Variants in PPFIA1 observed in about 807,000 individuals in gnomAD.
PPFIA1 encodes liprin-alpha-1.
Under a neutral mutation model 149.9 loss-of-function variants are expected in PPFIA1, and 25 were observed. The observed-to-expected ratio is 0.17, with a 90% CI of 0.12 to 0.23. PPFIA1 has a LOEUF of 0.23. Ranked by LOEUF, PPFIA1 falls within the 10% of genes least tolerant of loss-of-function variation. The pLI, the probability that PPFIA1 is intolerant of heterozygous loss-of-function variation, is 1.00. For synonymous variants in PPFIA1, 549 were observed against 552.8 expected, an observed-to-expected ratio of 0.99 and a Z score of 0.10; for missense variants, 1,362 against 1,506.5, an observed-to-expected ratio of 0.90 and a Z score of 1.59.
intron 16 of PPFIA1, among the ~76,000 whole-genome samples, chr11:70,353,873 A>G (rs992083360): frequency 3.3e-5 from 5 of 152,206 alleles, no homozygotes; most frequent in African/African-American, 4.8e-5. Flanking sequence ...TTTGAAGGAC[A>G]TCAGGAGATA....
chr11:70,278,293 C>T (rs528867689), intron 2 of PPFIA1, among the ~76,000 whole-genome samples: 1 of 151,916 alleles, frequency 6.6e-6, no homozygotes, highest in African/African-American at 2.4e-5. Flanking sequence ...GCCTCAGCCT[C>T]CCAAACTGCT....
In PPFIA1 at chr11:70,348,370, A is replaced by T. The variant is rs772327938; in HGVS notation, c.2113A>T (p.Ile705Phe). The T allele has an allele frequency of 2.5e-6, 4 of 1,613,934 alleles. No individual in the cohort carries two copies. Among genetic ancestry groups the T allele is most frequent in the African/African-American group, 1.3e-5 (1 of 74,906 alleles). Residue 705 changes from isoleucine to phenylalanine, a missense_variant, in exon 16 of 28, where the codon ATC becomes TTC. Ile to Phe is a conservative substitution (Grantham distance 21). This residue lies in a region of PPFIA1 where 733 missense variants were observed against 744.1 expected (regional missense o/e 0.99). Coordinates refer to ENST00000253925, the MANE Select transcript of PPFIA1 (RefSeq NM_003626.5). ...PGSGRSTPRR[I>F]PHSPAREVDR... Reference sequence around the variant, plus strand: ...CAGTGGGCGCTCCACCCCACGAAGGATCCCTCACAGCCCAGCTCGGGAAGT... The same window carrying T: ...CAGTGGGCGCTCCACCCCACGAAGGTTCCCTCACAGCCCAGCTCGGGAAGT...
chr11:70,332,993 A>G (rs12294494), intron 9 of PPFIA1: 14,128 of 454,128 alleles, frequency 0.031, 1,775 homozygotes, highest in African/African-American at 0.26. Context: ...CTCCCCTGTT[A>G]TCTTTCCTGT....
At chr11:70,272,526 A>G (rs2050152208) in intron 2 of PPFIA1, 90 bp downstream of exon 2, 1 of 1,378,484 alleles carries the variant, frequency 7.3e-7, no homozygotes, top group South Asian at 1.4e-5. Context: ...TCAGATGAGT[A>G]TTTTCCGTAA....
intron 2 of PPFIA1, among the ~76,000 whole-genome samples, chr11:70,309,668 A>G (rs2053127460): frequency 6.6e-6 from 1 of 152,188 alleles, no homozygotes; most frequent in East Asian, 1.9e-4. Flanking sequence ...ATAAAAAGGA[A>G]TAAAAAGGAG....
chr11:70,377,716 G>A (rs2057544070), intron 25 of PPFIA1, among the ~76,000 whole-genome samples: 2 of 152,120 alleles, frequency 1.3e-5, no homozygotes, highest in African/African-American at 4.8e-5. Flanking sequence ...AAATAAAAAC[G>A]TATTACGTTG....
intron 2 of PPFIA1, among the ~76,000 whole-genome samples, chr11:70,315,219 A>G (rs1324653092): frequency 6.6e-6 from 1 of 152,224 alleles, no homozygotes; most frequent in Admixed American, 6.5e-5. Flanking sequence ...CCAGTGATTG[A>G]AAAGCCAGTG....
chr11:70,297,235 C>G (rs1438073728), intron 2 of PPFIA1, among the ~76,000 whole-genome samples: 1 of 151,958 alleles, frequency 6.6e-6, no homozygotes, highest in Non-Finnish European at 1.5e-5. Flanking sequence ...ATAGCAGGAC[C>G]CTACTTTTAC....
chr11:70,336,578 A>G (rs2054995087), intron 11 of PPFIA1, among the ~76,000 whole-genome samples: 1 of 152,184 alleles, frequency 6.6e-6, no homozygotes, highest in Non-Finnish European at 1.5e-5. Flanking sequence ...TGTACTAGAA[A>G]GGGTTCAGTC....
At position 70,343,814 on chromosome 11, in the gene PPFIA1, C is replaced by T. The variant is rs1164941964; in HGVS notation, c.1853C>T (p.Ser618Leu). 3.7e-6 allele frequency: 6 copies of T among 1,614,160 alleles called. No homozygotes were observed. The highest frequency in any genetic ancestry group is 4.2e-6 in the Non-Finnish European group (5 of 1,180,030). ...DTLLSSVDLL[S>L]PSGQADAHTL... Reference sequence around the variant, plus strand: ...CTCCTCAGCTCAGTTGACCTGCTATCGCCCAGCGGGCAGGCCGACGCGCAC... The same window carrying T: ...CTCCTCAGCTCAGTTGACCTGCTATTGCCCAGCGGGCAGGCCGACGCGCAC... Residue 618 changes from serine (S) to leucine (L), a missense_variant, in exon 15 of 28, where the codon TCG (serine) becomes TTG (leucine). Ser to Leu is a moderately radical substitution (Grantham distance 145, BLOSUM62 -2). Around this residue, in one of 7 missense-constraint regions of PPFIA1, gnomAD observed 733 missense variants for 744.1 expected, o/e 0.99. Transcript: ENST00000253925.
intron 2 of PPFIA1, among the ~76,000 whole-genome samples, chr11:70,283,001 G>A (rs1317720897): frequency 1.3e-5 from 2 of 151,474 alleles, no homozygotes; most frequent in African/African-American, 2.4e-5. Flanking sequence ...CACCATGCCC[G>A]GCTGATTTTT....
At chr11:70,279,058 G>A in intron 2 of PPFIA1, 1 of 514,146 alleles carries the variant, frequency 1.9e-6, no homozygotes, top group Non-Finnish European at 3.7e-6. Flanking sequence ...GGGGTAGTAT[G>A]CTTTACTGTG....
chr11:70,308,445 T>C (rs952612802), intron 2 of PPFIA1, among the ~76,000 whole-genome samples: 2 of 152,238 alleles, frequency 1.3e-5, no homozygotes, highest in African/African-American at 4.8e-5. Flanking sequence ...CATGCATAGG[T>C]CTATTAAATA....
At chr11:70,365,284 CTG>C in intron 21 of PPFIA1, 2 of 416,208 alleles carry the variant, frequency 4.8e-6, no homozygotes, top group South Asian at 3.4e-5. Flanking sequence ...GGCCCCTTCT[CTG>C]TGCCTGTGGC....
At chr11:70,279,505 C>T (rs560017036) in intron 2 of PPFIA1, among the ~76,000 whole-genome samples, 17 of 151,600 alleles carry the variant, frequency 1.1e-4, no homozygotes, top group Admixed American at 1.1e-3. Flanking sequence ...AGTTTTGGCT[C>T]TTCTCTCTAT....
chr11:70,365,228 A>G lies in PPFIA1; in HGVS notation c.2865+2740A>G, dbSNP rs530677988. On this transcript the variant is annotated intron_variant, in intron 21 of 27. Transcript: ENST00000253925. Reference sequence around the variant, plus strand: ...TGTTAACAGGGAATGGTTATTCTGTACGGGCATCTGAACTGAAAAGTGAGA... The same window carrying G: ...TGTTAACAGGGAATGGTTATTCTGTGCGGGCATCTGAACTGAAAAGTGAGA... 25 of 339,236 alleles carry G rather than the reference A, an allele frequency of 7.4e-5. 1 individual carries two copies. The highest frequency in any genetic ancestry group is 6.4e-4 in the Middle Eastern group (1 of 1,568). 21.0% of individuals were successfully genotyped at this position (339,236 alleles called of 1,614,324 possible).
At chr11:70,344,504 C>T (rs2055559571) in intron 15 of PPFIA1, among the ~76,000 whole-genome samples, 1 of 152,224 alleles carries the variant, frequency 6.6e-6, no homozygotes, top group Non-Finnish European at 1.5e-5. Context: ...AGTGTCCCTC[C>T]TTGACCCTGA....
At chr11:70,374,466 A>C (rs1565464886) in intron 23 of PPFIA1, 1 of 153,720 alleles carries the variant, frequency 6.5e-6, no homozygotes, top group Admixed American at 6.5e-5. Flanking sequence ...AAAGACTTCG[A>C]GATTAGAAAT....
In PPFIA1 at chr11:70,343,830, C is replaced by G; in HGVS notation, c.1869C>G (p.Ala623=). Residue 623 remains alanine, a synonymous_variant, in exon 15 of 28, where the codon GCC becomes GCG. Transcript: ENST00000253925. ...SVDLLSPSGQ[A]DAHTLAMMLQ... is the part of the protein sequence containing the mutation. Reference sequence around the variant, plus strand: ...ACCTGCTATCGCCCAGCGGGCAGGCCGACGCGCACACACTAGCCATGATGC... The same window carrying G: ...ACCTGCTATCGCCCAGCGGGCAGGCGGACGCGCACACACTAGCCATGATGC... 6.2e-7 allele frequency: 1 copy of G among 1,614,118 alleles called. No individual in the cohort carries two copies. Among genetic ancestry groups the G allele is most frequent in the Non-Finnish European group, 8.5e-7 (1 of 1,180,034 alleles).
Sources: gnomAD v4.1 joint callset for allele counts (sites outside exome capture counted in the v4.1 genomes callset) on GRCh38, gnomAD v4.1.1 for gene constraint, gnomAD v4.1.1 regional missense constraint, MANE v1.5 for transcripts, NCBI Gene and HGNC (gene_info 2026-07-23, HGNC 2026-07-21) for gene names.